The following FYCO1 variants were observed in gnomAD, a reference collection of about 807,000 sequenced individuals.
The protein encoded by FYCO1 is FYVE and coiled-coil domain autophagy adaptor 1.
FYCO1 carries 122 observed loss-of-function variants against 165.1 expected under a neutral mutation model. The observed-to-expected ratio is 0.74, with a 90% CI of 0.64 to 0.86. The LOEUF is 0.86. FYCO1 is among the 40% of genes least tolerant of loss of function. FYCO1 has a pLI of 0.00. For missense variants in FYCO1, 1,702 were observed against 1,810.3 expected (o/e 0.94, Z 1.09); for synonymous variants, 648 against 742.5 (o/e 0.87, Z 2.07).
In FYCO1 at chr3:45,958,486, C is replaced by T; in HGVS notation, c.3721G>A (p.Gly1241Ser). 6.2e-7 allele frequency: 1 copy of T among 1,614,048 alleles called. No individual in the cohort carries two copies. The highest frequency in any genetic ancestry group is 1.7e-4 in the Middle Eastern group (1 of 5,954). Reference protein sequence around the residue: ...SEGPGSPDSSGSGTSQGEPSP... With the variant: ...SEGPGSPDSSSSGTSQGEPSP... ...GGCTCTCCCTGGCTAGTGCCTGAGCCACTGCTATCAGGGGAGCCAGGGCCT... is the reference window on the plus strand; with the variant it reads ...GGCTCTCCCTGGCTAGTGCCTGAGCTACTGCTATCAGGGGAGCCAGGGCCT... Residue 1241 changes from glycine (G) to serine (S), a missense_variant, in exon 13 of 18, where the codon GGC (glycine) becomes AGC (serine). Physicochemically the swap from Gly to Ser is moderately conservative, Grantham distance 56 (BLOSUM62 0). Coordinates refer to ENST00000296137, the MANE Select transcript of FYCO1 (RefSeq NM_024513.4).
At chr3:45,976,240 C>A (rs1396248595) in intron 4 of FYCO1, among the ~76,000 whole-genome samples, 7 of 151,868 alleles carry the variant, frequency 4.6e-5, no homozygotes, top group Admixed American at 6.5e-5. Flanking sequence ...GGAGATGTGA[C>A]CGTAACTGTT....
intron 14 of FYCO1, among the ~76,000 whole-genome samples, chr3:45,940,323 C>A (rs796637468): frequency 6.6e-6 from 1 of 152,160 alleles, no homozygotes; most frequent in Non-Finnish European, 1.5e-5. Flanking sequence ...ACATCTGAAG[C>A]TGGTAATCAG....
At chr3:45,969,040 T>G (rs1435465166) in intron 7 of FYCO1, among the ~76,000 whole-genome samples, 1 of 152,230 alleles carries the variant, frequency 6.6e-6, no homozygotes, top group Non-Finnish European at 1.5e-5. Flanking sequence ...CATTGTGCCA[T>G]ACCCGTAACT....
rs1705895103 is a variant in FYCO1 at position 45,964,665 on chromosome 3, C to A, written c.3151-211G>T. On this transcript the variant is annotated intron_variant, in intron 9 of 17. Coordinates refer to ENST00000296137, the MANE Select transcript of FYCO1 (RefSeq NM_024513.4). This position sits in a 1 kb window ranked among gnomAD's most constrained non-coding sequence, Gnocchi z 4.1. ...GTGGTGGTTGGCAAGTGGCAGGTAC[C>A]AGAATTCCCAGGGTAACACTGAAGG... 2.0e-6 allele frequency: 1 copy of A among 501,050 alleles called. No homozygotes were observed. 31.0% of individuals were successfully genotyped at this position (501,050 alleles called of 1,614,324 possible). A position where few individuals can be genotyped will look rare whatever the true frequency, so the allele number is the denominator to read the frequency against.
At chr3:45,936,332 G>A in intron 15 of FYCO1, 116 bp downstream of exon 15, 1 of 739,564 alleles carries the variant, frequency 1.4e-6, no homozygotes, top group Non-Finnish European at 2.5e-6. Flanking sequence ...AATAAACGAA[G>A]CCCCACTGGT....
At position 45,967,006 on chromosome 3, in the gene FYCO1, C is replaced by T. The variant is rs368345401; in HGVS notation, c.2328G>A (p.Ala776=). ...ELAAQLALSQ[A]QLEVHQGEVQ... Reference sequence around the variant, plus strand: ...CCTCCCCCTGATGGACTTCCAGCTGCGCCTGAGACAGGGCTAGCTGGGCAG... The same window carrying T: ...CCTCCCCCTGATGGACTTCCAGCTGTGCCTGAGACAGGGCTAGCTGGGCAG... Residue 776 remains alanine, a synonymous_variant, in exon 8 of 18, where the codon GCG becomes GCA. Transcript: ENST00000296137. 97 of 1,612,962 alleles carry T rather than the reference C, an allele frequency of 6.0e-5. No homozygotes were observed. Among genetic ancestry groups the T allele is most frequent in the Non-Finnish European group, 7.4e-5 (87 of 1,180,018 alleles).
At chr3:45,987,037 C>T (rs1249440237) in intron 1 of FYCO1, among the ~76,000 whole-genome samples, 2 of 152,190 alleles carry the variant, frequency 1.3e-5, no homozygotes, top group Admixed American at 6.5e-5. Flanking sequence ...GATAAAAAGT[C>T]ATGGGCACTC....
intron 14 of FYCO1, chr3:45,938,235 T>C: frequency 7.8e-7 from 1 of 1,289,202 alleles, no homozygotes; most frequent in South Asian, 1.2e-5. Context: ...TCCCAGACCC[T>C]TGCTGGCCCC....
rs1204115956 is a variant in FYCO1 at position 45,984,943 on chromosome 3, T to C, written c.-33A>G. 2 of 1,612,646 alleles carry C rather than the reference T, an allele frequency of 1.2e-6. No homozygotes were observed. Among genetic ancestry groups the C allele is most frequent in the Admixed American group, 1.7e-5 (1 of 60,010 alleles). ...TTGCCTTTCTTGTCTGTATGTCTCC[T>C]GCCTGGGTCCAGAGGAAGGCTCAGA... is the stretch of plus-strand genomic sequence containing the variant. On this transcript the variant is annotated 5_prime_UTR_variant, in exon 2 of 18. Transcript: ENST00000296137.
At chr3:45,938,129 A>G (rs1015749639) in intron 14 of FYCO1, 3 of 959,384 alleles carry the variant, frequency 3.1e-6, no homozygotes, top group African/African-American at 3.4e-5. Context: ...GTCCTAATCT[A>G]TAATTTCCTC....
chr3:45,923,939 C>T (rs1703205045), intron 16 of FYCO1, among the ~76,000 whole-genome samples, 174 bp from the exon 17 acceptor site: 2 of 152,218 alleles, frequency 1.3e-5, no homozygotes, highest in Admixed American at 6.5e-5. Context: ...ATCCCACAAC[C>T]TGAGGCTGTT....
At chr3:45,989,758 G>C (rs1707482136) in intron 1 of FYCO1, among the ~76,000 whole-genome samples, 1 of 152,122 alleles carries the variant, frequency 6.6e-6, no homozygotes, top group Admixed American at 6.6e-5. Flanking sequence ...TGCTCTCCCA[G>C]AACACATACA....
chr3:45,991,617 C>T (rs775582135), intron 1 of FYCO1, among the ~76,000 whole-genome samples: 1 of 152,220 alleles, frequency 6.6e-6, no homozygotes, highest in Non-Finnish European at 1.5e-5. Context: ...CTGCTCCAGT[C>T]TCGCTGGGTT....
chr3:45,966,329 G>A lies in FYCO1; in HGVS notation c.3005C>T (p.Thr1002Ile), dbSNP rs768900899. The part of the protein sequence containing the change: ...LQEAAHQELN[T>I]LKFQLSAEIM... ...TTCAGCACTCAGCTGGAACTTGAGG[G>A]TGTTGAGCTCCTGGTGTGCAGCCTC... is the stretch of plus-strand genomic sequence containing the variant. Residue 1002 changes from threonine to isoleucine, a missense_variant, in exon 8 of 18, where the codon ACC becomes ATC. Thr to Ile is a moderately conservative substitution (Grantham distance 89). Coordinates refer to ENST00000296137, the MANE Select transcript of FYCO1 (RefSeq NM_024513.4). The A allele has an allele frequency of 5.0e-6, 8 of 1,614,222 alleles. No homozygotes were observed. Among genetic ancestry groups the A allele is most frequent in the East Asian group, 2.2e-5 (1 of 44,890 alleles).
At chr3:45,975,105 T>C (rs1484487831) in intron 5 of FYCO1, 134 bp downstream of exon 5, 2 of 753,400 alleles carry the variant, frequency 2.7e-6, no homozygotes, top group Admixed American at 1.9e-5. Context: ...AAGACAATGA[T>C]ATATGTGGAA....
intron 11 of FYCO1, among the ~76,000 whole-genome samples, chr3:45,960,008 A>G (rs1286268377): frequency 1.3e-5 from 2 of 152,184 alleles, no homozygotes; most frequent in Non-Finnish European, 2.9e-5. Context: ...GAGAAGATCA[A>G]AGATTTCCTA....
intron 14 of FYCO1, chr3:45,946,686 T>C (rs1704632628): frequency 6.2e-7 from 1 of 1,614,228 alleles, no homozygotes; most frequent in East Asian, 2.2e-5. Flanking sequence ...GACGGATGTG[T>C]TCCTGGTGAA....
chr3:45,937,583 A>T (rs1186173271), intron 14 of FYCO1, among the ~76,000 whole-genome samples: 1 of 152,188 alleles, frequency 6.6e-6, no homozygotes, highest in African/African-American at 2.4e-5. Flanking sequence ...AAAAGGCTGT[A>T]AGTTTTAAAG....
intron 8 of FYCO1, among the ~76,000 whole-genome samples, chr3:45,965,631 G>A (rs1243612689): frequency 2.6e-5 from 4 of 152,218 alleles, no homozygotes; most frequent in East Asian, 1.9e-4. Context: ...TGTCCCAAGG[G>A]CCTTGTAAAA....
Sources: gnomAD v4.1 joint callset for allele counts (sites outside exome capture counted in the v4.1 genomes callset) on GRCh38, gnomAD v4.1.1 for gene constraint, Gnocchi (gnomAD v3.1) non-coding constraint, MANE v1.5 for transcripts, NCBI Gene and HGNC (gene_info 2026-07-23, HGNC 2026-07-21) for gene names.